The following MRRF variants were observed in gnomAD, a reference collection of about 807,000 sequenced individuals.
The protein encoded by MRRF is mitochondrial ribosome recycling factor, also known as ribosome-recycling factor, mitochondrial.
MRRF carries 18 observed loss-of-function variants against 25.1 expected under a neutral mutation model. The observed-to-expected ratio is 0.72, with a 90% CI of 0.50 to 1.06. The LOEUF (loss-of-function observed/expected upper bound fraction) is 1.06, where lower values mean the gene tolerates loss of function less well. MRRF is among the 50% of genes least tolerant of loss of function. MRRF has a pLI of 0.00. For missense variants in MRRF, 323 were observed against 319.3 expected, an observed-to-expected ratio of 1.01 and a Z score of -0.09; for synonymous variants, 113 against 112.1, an observed-to-expected ratio of 1.01 and a Z score of -0.05.
chr9:122,287,011 TC>T (rs1833456941), intron 4 of MRRF, among the ~76,000 whole-genome samples: 1 of 152,242 alleles, frequency 6.6e-6, no homozygotes, highest in Non-Finnish European at 1.5e-5. Context: ...CCTTTGCATA[TC>T]CTGTTCCCAT....
At position 122,320,067 on chromosome 9, in the gene MRRF, G is replaced by T. The variant is rs149800812; in HGVS notation, c.712-2473G>T. ...CTTTTTGTGTTTTTTTAGAGATGGG[G>T]TTTCCCCATGTTGCCAGGCTGGTCT... is the stretch of plus-strand genomic sequence containing the variant. On this transcript the variant is annotated intron_variant, in intron 6 of 6. Coordinates refer to ENST00000344641, the MANE Select transcript of MRRF (RefSeq NM_138777.5). 5.4e-4 allele frequency among the ~76,000 whole-genome samples: 82 copies of T among 151,768 alleles called. 2 individuals are homozygous for T. In the East Asian group the frequency reaches 0.015, roughly 28 times the overall value.
At position 122,285,188 on chromosome 9, in the gene MRRF, T is replaced by G. The variant is rs202060766; in HGVS notation, c.360T>G (p.Ala120=). The G allele has an allele frequency of 3.1e-6, 5 of 1,612,594 alleles. No individual in the cohort carries two copies. The highest frequency in any genetic ancestry group is 1.3e-5 in the African/African-American group (1 of 74,906). The part of the protein sequence containing the change: ...RTSPGSLDKI[A]VVTADGKLAL... ...TTTTAGGATCCCTTGACAAGATTGC[T>G]GTGGTAACTGCTGACGGGAAGCTTG... The change falls in exon 4 of 7, where the codon GCT becomes GCG. Residue 120 remains alanine, a synonymous_variant. Transcript: ENST00000344641.
chr9:122,273,860 T>G (rs538215800), intron 2 of MRRF, among the ~76,000 whole-genome samples: 26 of 152,332 alleles, frequency 1.7e-4, no homozygotes, highest in Middle Eastern at 6.8e-3. Context: ...ACATAATGGT[T>G]GTTTGTGCAT....
chr9:122,298,575 ACCACTT>A (rs1337620231), intron 5 of MRRF, among the ~76,000 whole-genome samples: 1 of 152,196 alleles, frequency 6.6e-6, no homozygotes, highest in African/African-American at 2.4e-5. Context: ...GTCCCGGACA[ACCACTT>A]GTCTGCTTTT....
intron 5 of MRRF, among the ~76,000 whole-genome samples, chr9:122,301,764 C>G (rs1230960527): frequency 2.0e-5 from 3 of 150,906 alleles, no homozygotes; most frequent in Non-Finnish European, 4.4e-5. Flanking sequence ...GATACAGTCT[C>G]TCTCTGTTGC....
At chr9:122,309,706 T>C (rs1432053153) in intron 5 of MRRF, among the ~76,000 whole-genome samples, 1 of 152,230 alleles carries the variant, frequency 6.6e-6, no homozygotes, top group Non-Finnish European at 1.5e-5. Context: ...AATGGTAAAC[T>C]CCTGTGTATT....
In MRRF at chr9:122,326,622, A is replaced by G. The variant is rs1364217214; in HGVS notation, c.*4005A>G. ...ACTATTTAAAAATTATTTCACATGC[A>G]TTGGAGAATGTTTAAAGATGATTTT... On this transcript the variant is annotated 3_prime_UTR_variant, in exon 7 of 7. Transcript: ENST00000344641. 6.6e-6 allele frequency: 1 copy of G among 152,106 alleles called. No homozygotes were observed. Among genetic ancestry groups the G allele is most frequent in the African/African-American group, 2.4e-5 (1 of 41,412 alleles). The allele number at this position is 152,106 out of a possible 1,614,324, so 9.4% of individuals were successfully genotyped here. A position where few individuals can be genotyped will look rare whatever the true frequency, so the allele number is the denominator to read the frequency against.
chr9:122,298,139 G>A (rs764504467), intron 5 of MRRF, among the ~76,000 whole-genome samples: 4 of 152,188 alleles, frequency 2.6e-5, no homozygotes, highest in Non-Finnish European at 4.4e-5. Context: ...TTACTTGTAA[G>A]TCTGTATTCT....
chr9:122,301,924 A>C (rs1172845407), intron 5 of MRRF, among the ~76,000 whole-genome samples: 2 of 141,054 alleles, frequency 1.4e-5, no homozygotes, highest in African/African-American at 5.3e-5. Flanking sequence ...TTGTATTTTT[A>C]GTAGAGACGG....
chr9:122,297,420 T>G (rs1367214984), intron 5 of MRRF, among the ~76,000 whole-genome samples: 4 of 152,192 alleles, frequency 2.6e-5, no homozygotes, highest in African/African-American at 9.7e-5. Flanking sequence ...GGTATCTCCT[T>G]CATTTTTCTT....
chr9:122,272,098 T>G (rs923549733), intron 2 of MRRF, among the ~76,000 whole-genome samples: 5 of 152,254 alleles, frequency 3.3e-5, no homozygotes, highest in Non-Finnish European at 7.3e-5. Flanking sequence ...TTTATTCTTA[T>G]AATTATCCAT....
intron 1 of MRRF, among the ~76,000 whole-genome samples, chr9:122,268,901 C>T (rs1271687136): frequency 1.3e-5 from 2 of 152,096 alleles, no homozygotes; most frequent in South Asian, 2.1e-4. Flanking sequence ...TGCGGTGGCT[C>T]ACGCCTGTAA....
At chr9:122,291,574 G>C (rs1295775669) in intron 4 of MRRF, among the ~76,000 whole-genome samples, 175 bp from the exon 5 acceptor site, 3 of 152,058 alleles carry the variant, frequency 2.0e-5, no homozygotes, top group African/African-American at 7.2e-5. Context: ...AGTGGACATA[G>C]TTTGCTATTC....
Position 122,294,987 on chromosome 9 carries a change from T to G in MRRF, c.551+3147T>G, listed in dbSNP as rs1461628480. 2.6e-5 allele frequency among the ~76,000 whole-genome samples: 4 copies of G among 152,286 alleles called. No individual in the cohort carries two copies. In the South Asian group the frequency reaches 6.2e-4, roughly 24 times the overall value. Reference sequence around the variant, plus strand: ...CAGGAATGGTTAGGTGCCTTACATATTCAGGAAAGCAGAAAAGTATAATGG... The same window carrying G: ...CAGGAATGGTTAGGTGCCTTACATAGTCAGGAAAGCAGAAAAGTATAATGG... On this transcript the variant is annotated intron_variant, in intron 5 of 6. Coordinates refer to ENST00000344641, the MANE Select transcript of MRRF (RefSeq NM_138777.5).
At chr9:122,291,710 T>G (rs758661257) in intron 4 of MRRF, 39 bp from the exon 5 acceptor site, 1 of 1,421,260 alleles carries the variant, frequency 7.0e-7, no homozygotes, top group East Asian at 2.3e-5. Flanking sequence ...TGGTAATAAT[T>G]ATTTACTAAT....
chr9:122,282,351 C>T (rs1480107301), intron 3 of MRRF, among the ~76,000 whole-genome samples: 1 of 152,194 alleles, frequency 6.6e-6, no homozygotes, highest in Non-Finnish European at 1.5e-5. Context: ...ATTGATTTAT[C>T]GTCAAAGCAT....
At chr9:122,300,329 G>A (rs1464574196) in intron 5 of MRRF, among the ~76,000 whole-genome samples, 1 of 152,190 alleles carries the variant, frequency 6.6e-6, no homozygotes. Flanking sequence ...GGTTCTCCTG[G>A]AGGGTGATCT....
intron 5 of MRRF, among the ~76,000 whole-genome samples, chr9:122,301,758 C>T (rs113408027): frequency 0.013 from 1,982 of 149,856 alleles, 35 homozygotes; most frequent in African/African-American, 0.041. Context: ...TTTTGAGATA[C>T]AGTCTCTCTC....
At position 122,325,629 on chromosome 9, in the gene MRRF, CTGGTG is replaced by C. The variant is rs1836110756; in HGVS notation, c.*3015_*3019del. 1 of 119,360 alleles carries C rather than the reference CTGGTG, an allele frequency of 8.4e-6. No homozygotes were observed. The allele number at this position is 119,360 out of a possible 1,614,324, so 7.4% of individuals were successfully genotyped here. A position where few individuals can be genotyped will look rare whatever the true frequency, so the allele number is the denominator to read the frequency against. ...GAGAATTTGAGAATTTTTTTCCTGT[CTGGTG>C]TGTGTGTGTGTGTGTGTGTGTGTGT... On this transcript the variant is annotated 3_prime_UTR_variant, in exon 7 of 7. Coordinates refer to ENST00000344641, the MANE Select transcript of MRRF (RefSeq NM_138777.5).
Sources: gnomAD v4.1 joint callset for allele counts (sites outside exome capture counted in the v4.1 genomes callset) on GRCh38, gnomAD v4.1.1 for gene constraint, MANE v1.5 for transcripts, NCBI Gene and HGNC (gene_info 2026-07-23, HGNC 2026-07-21) for gene names.